The following IGSF21 variants were observed in gnomAD, a reference collection of about 807,000 sequenced individuals.
IGSF21 encodes the protein immunoglobin superfamily member 21.
IGSF21 carries 28 observed loss-of-function variants against 46.8 expected under a neutral mutation model. The ratio of observed to expected loss-of-function variants is 0.60; its 90% CI spans 0.44 to 0.82. IGSF21 has a LOEUF of 0.82. IGSF21 is among the 40% of genes least tolerant of loss of function. IGSF21 has a pLI of 0.00. For synonymous variants in IGSF21, 284 were observed against 273.6 expected (o/e 1.04, Z -0.38); for missense variants, 624 against 665.5 (o/e 0.94, Z 0.69).
chr1:18,150,108 G>A (rs564989979), intron 1 of IGSF21, among the ~76,000 whole-genome samples: 3 of 152,142 alleles, frequency 2.0e-5, no homozygotes, highest in Middle Eastern at 3.4e-3. Context: ...AAAATTAGCC[G>A]GGTGCAGTGG....
intron 1 of IGSF21, among the ~76,000 whole-genome samples, chr1:18,138,893 G>T (rs2086390005): frequency 6.6e-6 from 1 of 152,184 alleles, no homozygotes. Flanking sequence ...GGAAACTGAG[G>T]CCCAGAGAGA....
chr1:18,339,091 G>T (rs572438808), intron 4 of IGSF21, among the ~76,000 whole-genome samples: 2 of 152,196 alleles, frequency 1.3e-5, no homozygotes, highest in Admixed American at 6.5e-5. Flanking sequence ...GCCACCCTCC[G>T]CGTGCCAGCA....
chr1:18,132,376 C>G (rs2124417568), intron 1 of IGSF21, among the ~76,000 whole-genome samples: 1 of 152,328 alleles, frequency 6.6e-6, no homozygotes, highest in East Asian at 1.9e-4. Context: ...CATTGACTGT[C>G]AGATTCCCAT....
rs144506482 is a variant in IGSF21 at position 18,314,102 on chromosome 1, G to A, written c.306-20790G>A. 7.2e-5 allele frequency among the ~76,000 whole-genome samples: 11 copies of A among 152,236 alleles called. No individual in the cohort carries two copies. In the East Asian group the frequency reaches 1.4e-3, roughly 19 times the overall value. Reference sequence around the variant, plus strand: ...GAAGCATTGCTGTAATTACTCTCACGGCCGGGGCCAATTTCTCAAATTTCG... The same window carrying A: ...GAAGCATTGCTGTAATTACTCTCACAGCCGGGGCCAATTTCTCAAATTTCG... On this transcript the variant is annotated intron_variant, in intron 3 of 9. Transcript: ENST00000251296.
chr1:18,377,532 C>A, intron 9 of IGSF21, 101 bp downstream of exon 9: 1 of 923,726 alleles, frequency 1.1e-6, no homozygotes, highest in Non-Finnish European at 1.8e-6. Context: ...ACCCTTGCCA[C>A]TCCCTGACAC....
At chr1:18,360,195 T>A (rs1440225945) in intron 4 of IGSF21, among the ~76,000 whole-genome samples, 1 of 152,184 alleles carries the variant, frequency 6.6e-6, no homozygotes, top group Non-Finnish European at 1.5e-5. Context: ...GAATCTGCAA[T>A]TTCTAGGTAA....
chr1:18,155,191 A>C (rs1570275091), intron 1 of IGSF21, among the ~76,000 whole-genome samples: 1 of 151,772 alleles, frequency 6.6e-6, no homozygotes, highest in Non-Finnish European at 1.5e-5. Flanking sequence ...TGTCATTTGC[A>C]CCCGCCTCCC....
chr1:18,264,120 A>T (rs1557613882), intron 2 of IGSF21, among the ~76,000 whole-genome samples: 1 of 152,198 alleles, frequency 6.6e-6, no homozygotes, highest in East Asian at 1.9e-4. Flanking sequence ...TCATTTAAAT[A>T]AAGTGATTGT....
intron 3 of IGSF21, among the ~76,000 whole-genome samples, chr1:18,299,647 T>C (rs1184932354): frequency 6.6e-6 from 1 of 152,222 alleles, no homozygotes; most frequent in Non-Finnish European, 1.5e-5. Context: ...GCCCTGCCCT[T>C]ATGAAACTAA....
intron 1 of IGSF21, among the ~76,000 whole-genome samples, chr1:18,227,632 G>A (rs1378091568): frequency 6.6e-6 from 1 of 151,622 alleles, no homozygotes; most frequent in African/African-American, 2.4e-5. Context: ...AAGCAGAAGT[G>A]TTTTTGGTTT....
At chr1:18,182,919 T>A (rs926604863) in intron 1 of IGSF21, among the ~76,000 whole-genome samples, 1 of 152,186 alleles carries the variant, frequency 6.6e-6, no homozygotes, top group Admixed American at 6.5e-5. Flanking sequence ...GTTCCCCTGA[T>A]GAATCACACG....
chr1:18,279,613 G>T (rs1402865737), intron 2 of IGSF21, among the ~76,000 whole-genome samples: 1 of 152,220 alleles, frequency 6.6e-6, no homozygotes, highest in South Asian at 2.1e-4. Context: ...ACCAGTGAGT[G>T]GCTGAGCAGA....
chr1:18,375,052 T>C (rs1301436890), intron 6 of IGSF21, among the ~76,000 whole-genome samples: 1 of 152,176 alleles, frequency 6.6e-6, no homozygotes, highest in Non-Finnish European at 1.5e-5. Flanking sequence ...TCAGCTTAAA[T>C]GTCACCTCCT....
intron 1 of IGSF21, among the ~76,000 whole-genome samples, chr1:18,213,551 A>G (rs1384283896): frequency 6.6e-6 from 1 of 152,170 alleles, no homozygotes. Context: ...CAGGAAAGTC[A>G]TATTCCCCTG....
In IGSF21 at chr1:18,221,469, C is replaced by T. The variant is rs374197942; in HGVS notation, c.71-6429C>T. Among the ~76,000 whole-genome samples, 18 of 152,274 alleles carry T rather than the reference C, an allele frequency of 1.2e-4. No individual in the cohort carries two copies. The South Asian group carries it at 3.7e-3, about 32-fold the overall frequency. Reference sequence around the variant, plus strand: ...CTGAGCCAGCCCTCTGGACACATCCCCTTGGAGCTGGGAAAGGGCGGGGAG... The same window carrying T: ...CTGAGCCAGCCCTCTGGACACATCCTCTTGGAGCTGGGAAAGGGCGGGGAG... On this transcript the variant is annotated intron_variant, in intron 1 of 9. Transcript: ENST00000251296.
In IGSF21 at chr1:18,322,260, G is replaced by A. The variant is rs116381020; in HGVS notation, c.306-12632G>A. ...GGGCGAGGGACCTGATGCTGACCTT[G>A]CCCACAGTAGGGGCACAGCCATGTT... On this transcript the variant is annotated intron_variant, in intron 3 of 9. Coordinates refer to ENST00000251296, the MANE Select transcript of IGSF21 (RefSeq NM_032880.5). This position sits in a 1 kb window ranked among gnomAD's most constrained non-coding sequence, Gnocchi z 4.3. Among the ~76,000 whole-genome samples the A allele has an allele frequency of 0.011, 1,619 of 152,152 alleles. 32 individuals carry two copies. Among genetic ancestry groups the A allele is most frequent in the African/African-American group, 0.037 (1,527 of 41,504 alleles).
intron 2 of IGSF21, among the ~76,000 whole-genome samples, chr1:18,282,327 C>T (rs1039253017): frequency 2.0e-5 from 3 of 152,110 alleles, no homozygotes; most frequent in Non-Finnish European, 4.4e-5. Context: ...CAAACCCCAC[C>T]CCCACTCTGG....
At chr1:18,222,105 C>T (rs11260960) in intron 1 of IGSF21, among the ~76,000 whole-genome samples, 8,404 of 152,218 alleles carry the variant, frequency 0.055, 737 homozygotes, top group African/African-American at 0.19. Flanking sequence ...TGGCTTCCCC[C>T]ACCCATGCCT....
At chr1:18,174,539 C>T (rs1010417923) in intron 1 of IGSF21, among the ~76,000 whole-genome samples, 5 of 152,318 alleles carry the variant, frequency 3.3e-5, no homozygotes, top group East Asian at 3.9e-4. Context: ...GATGTTGTCA[C>T]GACCCACCCA....
Sources: allele counts gnomAD v4.1 joint callset (sites outside exome capture counted in the v4.1 genomes callset), GRCh38; gene constraint gnomAD v4.1.1; non-coding constraint Gnocchi (gnomAD v3.1); transcripts MANE v1.5; gene names NCBI Gene and HGNC (gene_info 2026-07-23, HGNC 2026-07-21).